CDH4: variants seen among roughly 807,000 people sequenced by gnomAD.
CDH4 encodes the protein cadherin-4.
A neutral mutation model predicts 86.0 loss-of-function variants in CDH4; 33 were observed. That is an observed-to-expected ratio of 0.38 (90% CI 0.29 to 0.51). The LOEUF (loss-of-function observed/expected upper bound fraction) is 0.51. CDH4 is among the 20% of genes least tolerant of loss of function. The probability of loss-of-function intolerance (pLI) is 0.86; values close to 1 mark genes in which losing one functional copy is unlikely to be tolerated. For missense variants in CDH4, 1,114 were observed against 1,307.4 expected, an observed-to-expected ratio of 0.85 and a Z score of 2.28; for synonymous variants, 555 against 549.4, an observed-to-expected ratio of 1.01 and a Z score of -0.14.
rs1166871441 is a variant in CDH4, at chr20:61,383,310, AATAT to A, written c.169+128376_169+128379del. Among the ~76,000 whole-genome samples the A allele has an allele frequency of 2.9e-4, 5 of 17,340 alleles. No individual in the cohort carries two copies. In the Admixed American group the frequency reaches 3.3e-3, roughly 11 times the overall value. 11.4% of individuals were successfully genotyped at this position (17,340 alleles called of 152,430 possible). A position where few individuals can be genotyped will look rare whatever the true frequency, so the allele number is the denominator to read the frequency against. ...TATATGAATATATGTGATATATATG[AATAT>A]ATGTGATATATATGAATATATGTGA... On this transcript the variant is annotated intron_variant, in intron 2 of 15. Coordinates refer to ENST00000614565, the MANE Select transcript of CDH4 (RefSeq NM_001794.5).
intron 2 of CDH4, among the ~76,000 whole-genome samples, chr20:61,539,930 T>G (rs2086027162): frequency 7.1e-6 from 1 of 141,544 alleles, no homozygotes; most frequent in South Asian, 2.1e-4. Context: ...GTGTGGACTC[T>G]GTGTGCTCAC....
intron 4 of CDH4, among the ~76,000 whole-genome samples, chr20:61,803,895 G>C (rs1015356780): frequency 3.3e-5 from 5 of 152,264 alleles, no homozygotes; most frequent in Admixed American, 1.3e-4. Flanking sequence ...GCTGCAGAGC[G>C]TGAGGCCGGC....
intron 2 of CDH4, among the ~76,000 whole-genome samples, chr20:61,731,714 A>G (rs1300862299): frequency 6.6e-6 from 1 of 152,218 alleles, no homozygotes; most frequent in Non-Finnish European, 1.5e-5. Context: ...TCATCTGGGA[A>G]ATGCTCCCTT....
chr20:61,386,821 G>T (rs1170634230), intron 2 of CDH4, among the ~76,000 whole-genome samples: 3 of 152,248 alleles, frequency 2.0e-5, no homozygotes, highest in Non-Finnish European at 2.9e-5. Flanking sequence ...GACCCTGCAG[G>T]TTCCAAAGGT....
intron 2 of CDH4, among the ~76,000 whole-genome samples, chr20:61,521,677 T>G (rs1235895559): frequency 6.6e-6 from 1 of 152,232 alleles, no homozygotes; most frequent in Non-Finnish European, 1.5e-5. Context: ...ACTAGCCATC[T>G]TCAAATCAGA....
At chr20:61,656,885 T>G (rs1346198065) in intron 2 of CDH4, among the ~76,000 whole-genome samples, 1 of 152,088 alleles carries the variant, frequency 6.6e-6, no homozygotes, top group Non-Finnish European at 1.5e-5. Context: ...GGGACACAGG[T>G]GCATGTGGAG....
chr20:61,661,085 G>GGGGGGGT (rs1555821286), intron 2 of CDH4, among the ~76,000 whole-genome samples: 8 of 31,344 alleles, frequency 2.6e-4, no homozygotes, highest in African/African-American at 1.0e-3. Flanking sequence ...GAGGCATGGC[G>GGGGGGGT]GGGGGGGGGG....
At chr20:61,424,067 CCA>C (rs1461259950) in intron 2 of CDH4, among the ~76,000 whole-genome samples, 9 of 152,048 alleles carry the variant, frequency 5.9e-5, no homozygotes, top group Admixed American at 3.9e-4. Flanking sequence ...ACATACACAT[CCA>C]CACACAGCAC....
At chr20:61,665,067 G>A (rs553282550) in intron 2 of CDH4, among the ~76,000 whole-genome samples, 2 of 152,348 alleles carry the variant, frequency 1.3e-5, no homozygotes, top group East Asian at 1.9e-4. Flanking sequence ...TGGGGACGTC[G>A]CTGGCACGGG....
intron 2 of CDH4, among the ~76,000 whole-genome samples, chr20:61,355,805 C>T (rs949698395): frequency 9.2e-5 from 14 of 152,198 alleles, no homozygotes; most frequent in Non-Finnish European, 1.3e-4. Context: ...ACCACACATG[C>T]GCACTACAGT....
chr20:61,462,674 C>A lies in CDH4; in HGVS notation c.169+207737C>A, dbSNP rs376574401. Among the ~76,000 whole-genome samples the A allele has an allele frequency of 4.1e-4, 62 of 152,318 alleles. 1 individual carries two copies. The highest frequency in any genetic ancestry group is 3.9e-3 in the Admixed American group (59 of 15,306). On this transcript the variant is annotated intron_variant, in intron 2 of 15. Coordinates refer to ENST00000614565, the MANE Select transcript of CDH4 (RefSeq NM_001794.5). ...GACACTCAGCTCATTGGGGCTCCCC[C>A]CTCTCCCTCCTTCCCTAGGTTTCAT...
chr20:61,597,242 C>T (rs1193844898), intron 2 of CDH4, among the ~76,000 whole-genome samples: 11 of 152,208 alleles, frequency 7.2e-5, no homozygotes, highest in African/African-American at 2.7e-4. Context: ...TGGGTTCCAT[C>T]CCCCGATCTA....
In CDH4 at chr20:61,888,031, G is replaced by A. The variant is rs778984835; in HGVS notation, c.1051-6879G>A. ...CTGTCCTGGGAGGGGGAAGAAAATC[G>A]GATTTGTAAAGAACAAGAGAAACTT... On this transcript the variant is annotated intron_variant, in intron 7 of 15. Coordinates refer to ENST00000614565, the MANE Select transcript of CDH4 (RefSeq NM_001794.5). 2.0e-5 allele frequency among the ~76,000 whole-genome samples: 3 copies of A among 152,310 alleles called. No individual in the cohort carries two copies. The East Asian group carries it at 5.8e-4, about 29-fold the overall frequency.
At chr20:61,864,338 C>G (rs1223623936) in intron 6 of CDH4, among the ~76,000 whole-genome samples, 1 of 152,242 alleles carries the variant, frequency 6.6e-6, no homozygotes, top group African/African-American at 2.4e-5. Flanking sequence ...GCCCAGGAGA[C>G]CAGTGCAGTC....
chr20:61,391,322 T>A (rs2145465985), intron 2 of CDH4, among the ~76,000 whole-genome samples: 1 of 152,256 alleles, frequency 6.6e-6, no homozygotes, highest in Middle Eastern at 3.4e-3. Flanking sequence ...GGGTCCGGAC[T>A]TGCTAAACCT....
intron 2 of CDH4, among the ~76,000 whole-genome samples, chr20:61,340,024 A>G (rs896365472): frequency 6.6e-6 from 1 of 152,256 alleles, no homozygotes; most frequent in African/African-American, 2.4e-5. Flanking sequence ...TGAGTTAATT[A>G]ATGAAGTATA....
At chr20:61,668,598 G>C (rs116273282) in intron 2 of CDH4, among the ~76,000 whole-genome samples, 2,189 of 152,278 alleles carry the variant, frequency 0.014, 49 homozygotes, top group African/African-American at 0.051. Context: ...AACTCCTCCT[G>C]TGTACATTCC....
intron 2 of CDH4, among the ~76,000 whole-genome samples, chr20:61,323,775 C>T (rs959017091): frequency 3.3e-5 from 5 of 152,146 alleles, no homozygotes; most frequent in Non-Finnish European, 5.9e-5. Flanking sequence ...CTCATCTTGC[C>T]GTCACCTTTA....
chr20:61,932,238 G>A (rs1056071722), intron 13 of CDH4, among the ~76,000 whole-genome samples: 8 of 152,190 alleles, frequency 5.3e-5, no homozygotes, highest in East Asian at 1.9e-4. Flanking sequence ...ATGTCCTCCC[G>A]TCCCCAGGCG....
Sources: gnomAD v4.1 joint callset for allele counts (sites outside exome capture counted in the v4.1 genomes callset) on GRCh38, gnomAD v4.1.1 for gene constraint, MANE v1.5 for transcripts, NCBI Gene and HGNC (gene_info 2026-07-23, HGNC 2026-07-21) for gene names.